Variants in XKR7 observed in about 807,000 individuals in gnomAD.
XKR7 encodes the protein XK-related protein 7.
XKR7 carries 11 observed loss-of-function variants against 42.2 expected under a neutral mutation model. The ratio of observed to expected loss-of-function variants is 0.26; its 90% confidence interval spans 0.16 to 0.43. The LOEUF is 0.43. Among genes scored for constraint, XKR7 ranks in the 20% least tolerant of loss-of-function variants. The pLI, the probability that XKR7 is intolerant of heterozygous loss-of-function variation, is 1.00. For synonymous variants in XKR7, 346 were observed against 366.4 expected, an observed-to-expected ratio of 0.94 and a Z score of 0.64; for missense variants, 710 against 802.2, an observed-to-expected ratio of 0.89 and a Z score of 1.39.
rs1466663782 is a variant in XKR7 at position 31,999,040 on chromosome 20, C to CA, written c.*1583_*1584insA. On this transcript the variant is annotated 3_prime_UTR_variant, in exon 3 of 3. Coordinates refer to ENST00000562532, the MANE Select transcript of XKR7 (RefSeq NM_001011718.2). ...TGGGAACCCAACCCACCCCCCACCCCCCCACACACACACTCCCACAGCAAC... is the reference window on the plus strand; with the variant it reads ...TGGGAACCCAACCCACCCCCCACCCCACCCACACACACACTCCCACAGCAAC... The CA allele has an allele frequency of 4.9e-5, 7 of 144,214 alleles. No homozygotes were observed. The highest frequency in any genetic ancestry group is 2.5e-4 in the South Asian group (1 of 3,924). The allele number at this position is 144,214 out of a possible 1,614,324, so 8.9% of individuals were successfully genotyped here.
intron 1 of XKR7, among the ~76,000 whole-genome samples, chr20:31,984,122 G>A (rs190079264): frequency 1.1e-3 from 172 of 151,858 alleles, no homozygotes; most frequent in Admixed American, 9.8e-3. Context: ...TTAGCCAGGC[G>A]TGGTGGCGCA....
At chr20:31,980,608 C>G (rs1203295921) in intron 1 of XKR7, among the ~76,000 whole-genome samples, 2 of 152,200 alleles carry the variant, frequency 1.3e-5, no homozygotes, top group East Asian at 3.8e-4. Context: ...GTGTCCGGGC[C>G]ATCCTTACCT....
At chr20:31,985,533 G>C (rs1321228639) in intron 1 of XKR7, among the ~76,000 whole-genome samples, 2 of 152,040 alleles carry the variant, frequency 1.3e-5, no homozygotes, top group East Asian at 3.9e-4. Context: ...AAGCAGTCGA[G>C]GGACTAAAAG....
Position 31,998,629 on chromosome 20 carries a change from A to T in XKR7, c.*1172A>T, listed in dbSNP as rs564789727. ...ATTCTAGACTTCTGGGGCTCATGGG[A>T]GCTCTAGGCCCCTGTTACCTTGGTC... is the stretch of plus-strand genomic sequence containing the variant. On this transcript the variant is annotated 3_prime_UTR_variant, in exon 3 of 3. Transcript: ENST00000562532. 6.6e-6 allele frequency: 1 copy of T among 152,006 alleles called. No individual in the cohort carries two copies. 9.4% of individuals were successfully genotyped at this position (152,006 alleles called of 1,614,324 possible).
chr20:31,978,279 G>C (rs2064495046), intron 1 of XKR7, among the ~76,000 whole-genome samples: 1 of 152,036 alleles, frequency 6.6e-6, no homozygotes, highest in Admixed American at 6.6e-5. Context: ...CTAATTTTAA[G>C]ACAATTTTTT....
intron 1 of XKR7, among the ~76,000 whole-genome samples, chr20:31,982,015 G>T (rs2064515596): frequency 6.6e-6 from 1 of 152,144 alleles, no homozygotes; most frequent in African/African-American, 2.4e-5. Flanking sequence ...TCCTCCAATA[G>T]CACTGCCATC....
intron 1 of XKR7, among the ~76,000 whole-genome samples, chr20:31,984,278 A>G (rs2064527323): frequency 6.7e-6 from 1 of 149,760 alleles, no homozygotes; most frequent in African/African-American, 2.5e-5. Context: ...AAAAACAAGT[A>G]GTGGGGAGTG....
In XKR7 at chr20:31,968,299, G is replaced by A. The variant is rs2064444541; in HGVS notation, c.124G>A (p.Val42Ile). The part of the protein sequence containing the change: ...EAAAAAGPPG[V>I]VGAGGPGPRY... ...GGCGGCGGCGGCCGGGCCCCCGGGGGTCGTCGGGGCGGGCGGCCCGGGGCC... is the reference window on the plus strand; with the variant it reads ...GGCGGCGGCGGCCGGGCCCCCGGGGATCGTCGGGGCGGGCGGCCCGGGGCC... Residue 42 changes from valine to isoleucine, a missense_variant, in exon 1 of 3, where the codon GTC becomes ATC. Physicochemically the swap from Val to Ile is conservative, Grantham distance 29. This residue lies in a region of XKR7 where 708 missense variants were observed against 786.2 expected (regional missense o/e 0.90). Coordinates refer to ENST00000562532, the MANE Select transcript of XKR7 (RefSeq NM_001011718.2). The surrounding 1 kb of genome is among the most constrained non-coding windows in gnomAD (Gnocchi z 4.5). 8.0e-7 allele frequency: 1 copy of A among 1,251,572 alleles called. No individual in the cohort carries two copies. The highest frequency in any genetic ancestry group is 3.6e-5 in the South Asian group (1 of 27,694). 77.5% of individuals were successfully genotyped at this position (1,251,572 alleles called of 1,614,324 possible).
chr20:31,968,656 C>CT lies in XKR7; in HGVS notation c.481_482insT (p.Pro161LeufsTer297). On this transcript the variant is annotated frameshift_variant, in exon 1 of 3. Coordinates refer to ENST00000562532, the MANE Select transcript of XKR7 (RefSeq NM_001011718.2). LOFTEE classifies it high-confidence loss of function. This position sits in a 1 kb window ranked among gnomAD's most constrained non-coding sequence, Gnocchi z 4.5. ...AGGCAGCCCCGAGCCGGGTCCCCAG[C>CT]CTGCGCCCTCCTCGGCCAGCGCCTA... 1 of 1,575,226 alleles carries CT rather than the reference C, an allele frequency of 6.3e-7. No individual in the cohort carries two copies. The highest frequency in any genetic ancestry group is 8.6e-7 in the Non-Finnish European group (1 of 1,167,976).
chr20:31,995,453 T>A lies in XKR7; in HGVS notation c.787+183T>A, dbSNP rs1243729322. On this transcript the variant is annotated intron_variant, in intron 2 of 2. Coordinates refer to ENST00000562532, the MANE Select transcript of XKR7 (RefSeq NM_001011718.2). This position sits in a 1 kb window ranked among gnomAD's most constrained non-coding sequence, Gnocchi z 4.1. ...CTCCAGGCCTCTCGAGACCCCCGCG[T>A]CCCCTTCGATGGCCCACTTATACTC... Among the ~76,000 whole-genome samples the A allele has an allele frequency of 6.6e-6, 1 of 151,774 alleles. No individual in the cohort carries two copies. Among genetic ancestry groups the A allele is most frequent in the Admixed American group, 6.5e-5 (1 of 15,270 alleles).
intron 1 of XKR7, among the ~76,000 whole-genome samples, chr20:31,979,221 CT>C (rs1483137545): frequency 1.0e-4 from 15 of 145,902 alleles, no homozygotes; most frequent in Non-Finnish European, 1.1e-4. Context: ...TTTTCTTTTT[CT>C]TTTTTTTTTA....
At position 31,995,251 on chromosome 20, in the gene XKR7, C is replaced by G. The variant is rs1294638908; in HGVS notation, c.768C>G (p.Gly256=). The change falls in exon 2 of 3, where the codon GGC becomes GGG. Residue 256 remains glycine (G), a synonymous_variant. Transcript: ENST00000562532. This position sits in a 1 kb window ranked among gnomAD's most constrained non-coding sequence, Gnocchi z 4.1. ...TCAGCCTGCTGGTGCACCGCGGTGG[C>G]GCGCCCGACCTGCTGCCGGGTGAGC... The part of the protein sequence containing the change: ...LQLSLLVHRG[G]APDLLPALST... 45 of 1,537,838 alleles carry G rather than the reference C, an allele frequency of 2.9e-5. No individual in the cohort carries two copies. Among genetic ancestry groups the G allele is most frequent in the Non-Finnish European group, 3.8e-5 (44 of 1,145,964 alleles).
Position 31,997,571 on chromosome 20 carries a change from A to AG in XKR7, c.*117dup. Reference sequence around the variant, plus strand: ...AAGGGGGAGTGGATCTGTTGGTCCAAGGGTAGAGTGGCCCCACTCTTGGGT... The same window carrying AG: ...AAGGGGGAGTGGATCTGTTGGTCCAAGGGGTAGAGTGGCCCCACTCTTGGGT... On this transcript the variant is annotated 3_prime_UTR_variant, in exon 3 of 3. Transcript: ENST00000562532. 1 of 1,027,714 alleles carries AG rather than the reference A, an allele frequency of 9.7e-7. No individual in the cohort carries two copies. Among genetic ancestry groups the AG allele is most frequent in the Non-Finnish European group, 1.4e-6 (1 of 724,144 alleles). 63.7% of individuals were successfully genotyped at this position (1,027,714 alleles called of 1,614,324 possible). A position where few individuals can be genotyped will look rare whatever the true frequency, so the allele number is the denominator to read the frequency against.
At chr20:31,971,780 G>A (rs1465655276) in intron 1 of XKR7, among the ~76,000 whole-genome samples, 1 of 152,110 alleles carries the variant, frequency 6.6e-6, no homozygotes, top group Non-Finnish European at 1.5e-5. Context: ...ATGCTTTGAG[G>A]ACCCAGGCAG....
chr20:31,996,609 G>A lies in XKR7; in HGVS notation c.892G>A (p.Gly298Ser). The A allele has an allele frequency of 6.4e-7, 1 of 1,571,042 alleles. No individual in the cohort carries two copies. The highest frequency in any genetic ancestry group is 8.6e-7 in the Non-Finnish European group (1 of 1,158,462). Residue 298 changes from glycine (G) to serine (S), a missense_variant, in exon 3 of 3, where the codon GGC becomes AGC. Transcript: ENST00000562532. ...RDDKRPLSYK[G>S]AVAQVLWHLF... ...CGACAAGCGGCCGCTGTCCTACAAGGGCGCCGTGGCACAGGTGCTGTGGCA... is the reference window on the plus strand; with the variant it reads ...CGACAAGCGGCCGCTGTCCTACAAGAGCGCCGTGGCACAGGTGCTGTGGCA...
In XKR7 at chr20:31,968,640, C is replaced by T. The variant is rs370399272; in HGVS notation, c.465C>T (p.Pro155=). The change falls in exon 1 of 3, where the codon CCC becomes CCT. Residue 155 remains proline, a synonymous_variant. Transcript: ENST00000562532. This position sits in a 1 kb window ranked among gnomAD's most constrained non-coding sequence, Gnocchi z 4.5. ...AGAFRTKEGS[P]EPGPQPAPSS... ...CCTTCCGGACCAAAGAAGGCAGCCC[C>T]GAGCCGGGTCCCCAGCCTGCGCCCT... The T allele has an allele frequency of 1.5e-5, 24 of 1,587,268 alleles. 1 individual carries two copies. The highest frequency in any genetic ancestry group is 1.1e-4 in the East Asian group (5 of 44,202).
In XKR7 at chr20:31,997,200, A is replaced by G; in HGVS notation, c.1483A>G (p.Thr495Ala). The G allele has an allele frequency of 1.2e-6, 2 of 1,608,086 alleles. No individual in the cohort carries two copies. Among genetic ancestry groups the G allele is most frequent in the Non-Finnish European group, 1.7e-6 (2 of 1,179,390 alleles). The change falls in exon 3 of 3, where the codon ACC becomes GCC. Residue 495 changes from threonine (T) to alanine (A), a missense_variant. Around this residue, in one of 2 missense-constraint regions of XKR7, gnomAD observed 708 missense variants for 786.2 expected, o/e 0.90. Transcript: ENST00000562532. ...GGCCTCGGCGGGAGAGCGTGCAGGG[A>G]CCCCCACCCCACCTGTCTTCCAGGT... is the stretch of plus-strand genomic sequence containing the variant. The part of the protein sequence containing the change: ...DGASAGERAG[T>A]PTPPVFQVRP...
At position 31,997,293 on chromosome 20, in the gene XKR7, G is replaced by C. The variant is rs770015520; in HGVS notation, c.1576G>C (p.Asp526His). 1 of 1,612,044 alleles carries C rather than the reference G, an allele frequency of 6.2e-7. No individual in the cohort carries two copies. The highest frequency in any genetic ancestry group is 1.7e-5 in the Admixed American group (1 of 60,032). Residue 526 changes from aspartate (D) to histidine (H), a missense_variant, in exon 3 of 3, where the codon GAC becomes CAC. Transcript: ENST00000562532. Reference sequence around the variant, plus strand: ...GACAGAGGGGCCTGTCATCCGGATTGACTTGCCTCGCAAGAAGTACCCGGC... The same window carrying C: ...GACAGAGGGGCCTGTCATCCGGATTCACTTGCCTCGCAAGAAGTACCCGGC... ...LRTEGPVIRI[D>H]LPRKKYPAWD... is the part of the protein sequence containing the mutation.
intron 1 of XKR7, among the ~76,000 whole-genome samples, chr20:31,972,202 G>A (rs1022055547): frequency 6.6e-6 from 1 of 152,108 alleles, no homozygotes; most frequent in African/African-American, 2.4e-5. Flanking sequence ...AGTGTTTCAG[G>A]CATGTGATCT....
Sources: gnomAD v4.1 joint callset for allele counts (sites outside exome capture counted in the v4.1 genomes callset) on GRCh38, gnomAD v4.1.1 for gene constraint, gnomAD v4.1.1 regional missense constraint, Gnocchi (gnomAD v3.1) non-coding constraint, MANE v1.5 for transcripts, NCBI Gene and HGNC (gene_info 2026-07-23, HGNC 2026-07-21) for gene names.